The following CASP2 variants were observed in gnomAD, a reference collection of about 807,000 sequenced individuals.
The protein encoded by CASP2 is caspase 2, also known as caspase-2.
CASP2 carries 38 observed loss-of-function variants against 54.4 expected under a neutral mutation model. That is an observed-to-expected ratio of 0.70 (90% CI 0.54 to 0.92). The LOEUF (loss-of-function observed/expected upper bound fraction) is 0.92. CASP2 is among the 40% of genes least tolerant of loss of function. The pLI, the probability that CASP2 is intolerant of heterozygous loss-of-function variation, is 0.00. For missense variants in CASP2, 512 were observed against 579.6 expected, an observed-to-expected ratio of 0.88 and a Z score of 1.20; for synonymous variants, 215 against 216.3, an observed-to-expected ratio of 0.99 and a Z score of 0.05.
rs958571137 is a variant in CASP2 at position 143,300,757 on chromosome 7, T to C, written c.967+463T>C. ...ACCTACACTTCCATGCTTGCCTCCT[T>C]TCTTCTTTCTTCTTACCATTCTTGG... On this transcript the variant is annotated intron_variant, in intron 8 of 10. Transcript: ENST00000310447. 2.6e-5 allele frequency: 31 copies of C among 1,188,078 alleles called. No individual in the cohort carries two copies. In the African/African-American group the frequency reaches 4.3e-4, roughly 17 times the overall value. 73.6% of individuals were successfully genotyped at this position (1,188,078 alleles called of 1,614,324 possible).
chr7:143,294,788 A>C lies in CASP2; in HGVS notation c.747+15A>C. ...AGACTGCACAGGTACCTGAGGTGGG[A>C]AAAATTGACATGTAAATTAGAGGAC... On this transcript the variant is annotated intron_variant, in intron 6 of 10. Transcript: ENST00000310447. 1.9e-6 allele frequency: 3 copies of C among 1,608,508 alleles called. No homozygotes were observed. The African/African-American group carries it at 4.0e-5, about 21-fold the overall frequency.
Position 143,291,427 on chromosome 7 carries a change from C to T in CASP2, c.75-113C>T, listed in dbSNP as rs970335052. ...ACCAGATTTAAGAAATATGCATAAT[C>T]TTGGTTATTGTAAGTCTTATTCTTT... On this transcript the variant is annotated intron_variant, in intron 1 of 10. Coordinates refer to ENST00000310447, the MANE Select transcript of CASP2 (RefSeq NM_032982.4). 4 of 1,034,616 alleles carry T rather than the reference C, an allele frequency of 3.9e-6. No homozygotes were observed. In the African/African-American group the frequency reaches 6.3e-5, roughly 16 times the overall value. The allele number at this position is 1,034,616 out of a possible 1,614,324, so 64.1% of individuals were successfully genotyped here. A position where few individuals can be genotyped will look rare whatever the true frequency, so the allele number is the denominator to read the frequency against.
rs139233385 is a variant in CASP2, at chr7:143,299,969, G to A, written c.794G>A (p.Arg265Gln). The A allele has an allele frequency of 5.6e-6, 9 of 1,614,018 alleles. No individual in the cohort carries two copies. Among genetic ancestry groups the A allele is most frequent in the South Asian group, 2.2e-5 (2 of 91,066 alleles). ...AATTTTGCACAGTTACCTGCACACC[G>A]AGTCACGGACTCCTGCATCGTGGCA... ...LQNFAQLPAH[R>Q]VTDSCIVALL... Residue 265 changes from arginine to glutamine, a missense_variant, in exon 7 of 11, where the codon CGA becomes CAA. Arg to Gln is a conservative substitution (Grantham distance 43, BLOSUM62 1). Coordinates refer to ENST00000310447, the MANE Select transcript of CASP2 (RefSeq NM_032982.4).
At chr7:143,292,238 G>T in intron 2 of CASP2, 62 bp from the exon 3 acceptor site, 3 of 1,552,476 alleles carry the variant, frequency 1.9e-6, no homozygotes, top group Non-Finnish European at 2.7e-6. Flanking sequence ...AAGCTCATGT[G>T]GAGAAATAGA....
At position 143,292,443 on chromosome 7, in the gene CASP2, TGG is replaced by T; in HGVS notation, c.371_372del (p.Gly124AlafsTer11). ...AGGATATGTTGCTCACCACCCTTTC[TGG>T]GCTTCAGCATGTACTCCCACCGGTA... ...LEDMLLTTLS[G>X]LQHVLPPLSC... On this transcript the variant is annotated frameshift_variant, in exon 3 of 11. Coordinates refer to ENST00000310447, the MANE Select transcript of CASP2 (RefSeq NM_032982.4). LOFTEE classifies it high-confidence loss of function. 1 of 1,614,166 alleles carries T rather than the reference TGG, an allele frequency of 6.2e-7. No individual in the cohort carries two copies.
At chr7:143,299,749 G>T (rs1801859556) in intron 6 of CASP2, among the ~76,000 whole-genome samples, 174 bp from the exon 7 acceptor site, 1 of 152,176 alleles carries the variant, frequency 6.6e-6, no homozygotes, top group East Asian at 1.9e-4. Context: ...TTTTTCTGGT[G>T]AGTCCATAGC....
At chr7:143,302,833 A>G (rs1164566175) in intron 8 of CASP2, 1 of 152,246 alleles carries the variant, frequency 6.6e-6, no homozygotes, top group Non-Finnish European at 1.5e-5. Flanking sequence ...GTCTTGGGAT[A>G]CATAAGGCTT....
chr7:143,299,951 C>T lies in CASP2; in HGVS notation c.776C>T (p.Ala259Val). 6.2e-7 allele frequency: 1 copy of T among 1,614,138 alleles called. No homozygotes were observed. Among genetic ancestry groups the T allele is most frequent in the Non-Finnish European group, 8.5e-7 (1 of 1,179,990 alleles). Reference sequence around the variant, plus strand: ...ATGCAAGAGAAACTGCAGAATTTTGCACAGTTACCTGCACACCGAGTCACG... The same window carrying T: ...ATGCAAGAGAAACTGCAGAATTTTGTACAGTTACCTGCACACCGAGTCACG... ...QEMQEKLQNFAQLPAHRVTDS... is the reference protein window; with the variant it reads ...QEMQEKLQNFVQLPAHRVTDS... The change falls in exon 7 of 11, where the codon GCA (alanine) becomes GTA (valine). Residue 259 changes from alanine (A) to valine (V), a missense_variant. This residue lies in a region of CASP2 where 417 missense variants were observed against 495.4 expected (regional missense o/e 0.84). Coordinates refer to ENST00000310447, the MANE Select transcript of CASP2 (RefSeq NM_032982.4).
Position 143,288,356 on chromosome 7 carries a change from G to T in CASP2, c.-100G>T. 1 of 1,211,890 alleles carries T rather than the reference G, an allele frequency of 8.3e-7. No individual in the cohort carries two copies. The highest frequency in any genetic ancestry group is 1.2e-6 in the Non-Finnish European group (1 of 839,818). 75.1% of individuals were successfully genotyped at this position (1,211,890 alleles called of 1,614,324 possible). Reference sequence around the variant, plus strand: ...GGCAGGGCGCAGGCGCAGGCGCAGTGTGCGTCCGCGTCTGAGGGGAGGGAT... The same window carrying T: ...GGCAGGGCGCAGGCGCAGGCGCAGTTTGCGTCCGCGTCTGAGGGGAGGGAT... On this transcript the variant is annotated 5_prime_UTR_variant, in exon 1 of 11. Transcript: ENST00000310447.
intron 6 of CASP2, chr7:143,298,888 A>G (rs1007413843): frequency 2.0e-5 from 3 of 151,970 alleles, no homozygotes; most frequent in African/African-American, 7.2e-5. Flanking sequence ...TTTCTTTGAG[A>G]AAAATACTCT....
rs1801446055 is a variant in CASP2, at chr7:143,288,451, G to A, written c.-5G>A. On this transcript the variant is annotated 5_prime_UTR_variant, in exon 1 of 11. Transcript: ENST00000310447. Reference sequence around the variant, plus strand: ...GCGCAGCGGAGAGCCCGGGAAAAGCGGGAAATGGCGGCGCCGAGCGCGGGG... The same window carrying A: ...GCGCAGCGGAGAGCCCGGGAAAAGCAGGAAATGGCGGCGCCGAGCGCGGGG... The A allele has an allele frequency of 6.2e-7, 1 of 1,612,774 alleles. No homozygotes were observed. Among genetic ancestry groups the A allele is most frequent in the Non-Finnish European group, 8.5e-7 (1 of 1,179,648 alleles).
In CASP2 at chr7:143,291,596, G is replaced by A. The variant is rs765644489; in HGVS notation, c.131G>A (p.Arg44Gln). The A allele has an allele frequency of 4.3e-6, 7 of 1,613,960 alleles. No individual in the cohort carries two copies. The highest frequency in any genetic ancestry group is 1.1e-5 in the South Asian group (1 of 91,076). Residue 44 changes from arginine (R) to glutamine (Q), a missense_variant, in exon 2 of 11, where the codon CGA becomes CAA. Arg to Gln is a conservative substitution (Grantham distance 43). Coordinates refer to ENST00000310447, the MANE Select transcript of CASP2 (RefSeq NM_032982.4). ...PHHQETLKKN[R>Q]VVLAKQLLLS... ...CATCAGGAAACTCTAAAAAAGAACC[G>A]AGTGGTGCTAGCCAAACAGCTGTTG...
intron 9 of CASP2, among the ~76,000 whole-genome samples, chr7:143,304,391 A>AT (rs1343984492): frequency 2.0e-5 from 3 of 152,210 alleles, no homozygotes; most frequent in African/African-American, 2.4e-5. Flanking sequence ...TTGCACACTT[A>AT]ATAGACTGTA....
chr7:143,304,865 G>A lies in CASP2; in HGVS notation c.1228-75G>A, dbSNP rs544347851. The A allele has an allele frequency of 5.7e-5, 92 of 1,609,548 alleles. No homozygotes were observed. In the African/African-American group the frequency reaches 8.3e-4, roughly 14 times the overall value. ...TCTCTTGAATGCTCTTTCATAGTCC[G>A]TCTCCCCTTCCCGTTTGCTGCTCTC... On this transcript the variant is annotated intron_variant, in intron 10 of 10. Transcript: ENST00000310447.
intron 8 of CASP2, chr7:143,300,548 C>A: frequency 6.6e-7 from 1 of 1,523,650 alleles, no homozygotes; most frequent in East Asian, 2.5e-5. Context: ...GTCTCTTATC[C>A]CGTGTCTTTG....
chr7:143,294,825 T>C (rs1381172883), intron 6 of CASP2, 52 bp downstream of exon 6: 16 of 1,491,162 alleles, frequency 1.1e-5, no homozygotes, highest in Non-Finnish European at 1.4e-5. Flanking sequence ...GAACAACACT[T>C]TGGGACCAGA....
At chr7:143,294,121 C>A in intron 4 of CASP2, 109 bp from the exon 5 acceptor site, 1 of 754,510 alleles carries the variant, frequency 1.3e-6, no homozygotes, top group Non-Finnish European at 2.4e-6. Context: ...GTGAGTGAGA[C>A]CAATATTTAT....
At chr7:143,291,138 C>G (rs1370867794) in intron 1 of CASP2, among the ~76,000 whole-genome samples, 1 of 152,186 alleles carries the variant, frequency 6.6e-6, no homozygotes, top group Non-Finnish European at 1.5e-5. Flanking sequence ...CATCTAAGAT[C>G]ATTATAAACT....
At position 143,300,436 on chromosome 7, in the gene CASP2, G is replaced by C. The variant is rs773406561; in HGVS notation, c.967+142G>C. 16 of 1,596,994 alleles carry C rather than the reference G, an allele frequency of 1.0e-5. No homozygotes were observed. In the African/African-American group the frequency reaches 1.9e-4, roughly 19 times the overall value. Reference sequence around the variant, plus strand: ...GTTCACTGCTGCCACCGCCTCTCTTGCTCTGTAAGTGTCTCCCAATGCATG... The same window carrying C: ...GTTCACTGCTGCCACCGCCTCTCTTCCTCTGTAAGTGTCTCCCAATGCATG... On this transcript the variant is annotated intron_variant, in intron 8 of 10. Coordinates refer to ENST00000310447, the MANE Select transcript of CASP2 (RefSeq NM_032982.4).
Sources: gnomAD v4.1 joint callset for allele counts (sites outside exome capture counted in the v4.1 genomes callset) on GRCh38, gnomAD v4.1.1 for gene constraint, gnomAD v4.1.1 regional missense constraint, MANE v1.5 for transcripts, NCBI Gene and HGNC (gene_info 2026-07-23, HGNC 2026-07-21) for gene names.